The following HMGB1 variants were observed in gnomAD, a reference collection of about 807,000 sequenced individuals.
HMGB1 encodes high mobility group protein B1.
For synonymous variants in HMGB1, 81 were observed against 84.0 expected (o/e 0.96, Z 0.19); for missense variants, 79 against 253.5 (o/e 0.31, Z 4.67).
chr13:30,594,552 T>C (rs1344215964), intron 1 of HMGB1, among the ~76,000 whole-genome samples: 1 of 152,234 alleles, frequency 6.6e-6, no homozygotes, highest in Non-Finnish European at 1.5e-5. Context: ...CTGCAAAGGA[T>C]TTGATTTCAT....
At chr13:30,605,944 T>C (rs907937390) in intron 1 of HMGB1, among the ~76,000 whole-genome samples, 4 of 152,284 alleles carry the variant, frequency 2.6e-5, no homozygotes, top group East Asian at 1.9e-4. Context: ...TTCTCCTACA[T>C]AGCCATAGTA....
intron 1 of HMGB1, among the ~76,000 whole-genome samples, chr13:30,508,639 C>A (rs977406840): frequency 1.2e-4 from 18 of 152,184 alleles, no homozygotes; most frequent in Non-Finnish European, 2.4e-4. Flanking sequence ...CACCAATTTG[C>A]TTTGAATATT....
chr13:30,577,647 G>A (rs909622994), intron 1 of HMGB1, among the ~76,000 whole-genome samples: 4 of 152,138 alleles, frequency 2.6e-5, no homozygotes, highest in African/African-American at 9.7e-5. Context: ...TCCTCATTCT[G>A]CCACTGCCTG....
chr13:30,586,470 GTTTTTTTTGTTTTT>G (rs1374521050), intron 1 of HMGB1, among the ~76,000 whole-genome samples: 4 of 123,248 alleles, frequency 3.2e-5, no homozygotes, highest in Non-Finnish European at 4.9e-5. Flanking sequence ...GAAATCACTG[GTTTTTTTTGTTTTT>G]TTTTTTTTTT....
intron 1 of HMGB1, among the ~76,000 whole-genome samples, chr13:30,533,855 G>C (rs1888551431): frequency 6.7e-6 from 1 of 150,054 alleles, no homozygotes; most frequent in Non-Finnish European, 1.5e-5. Context: ...GTAAATCCTG[G>C]TAAAGACTAT....
At chr13:30,533,268 T>C (rs948771259) in intron 1 of HMGB1, among the ~76,000 whole-genome samples, 6 of 152,238 alleles carry the variant, frequency 3.9e-5, no homozygotes, top group African/African-American at 1.4e-4. Context: ...GACTTCACAG[T>C]CTGGTGCTGT....
chr13:30,546,755 G>A (rs558733792), intron 1 of HMGB1, among the ~76,000 whole-genome samples: 2 of 151,948 alleles, frequency 1.3e-5, no homozygotes, highest in Admixed American at 1.3e-4. Context: ...AAAGTGCTGG[G>A]ATTACAGGCA....
At chr13:30,608,388 A>G (rs1460466734) in intron 1 of HMGB1, among the ~76,000 whole-genome samples, 1 of 152,174 alleles carries the variant, frequency 6.6e-6, no homozygotes, top group Non-Finnish European at 1.5e-5. Context: ...AAATCACAGC[A>G]ACCCGATGCA....
At chr13:30,611,498 C>A (rs1232714360) in intron 1 of HMGB1, among the ~76,000 whole-genome samples, 1 of 152,170 alleles carries the variant, frequency 6.6e-6, no homozygotes, top group Admixed American at 6.5e-5. Context: ...TATTCCTCAT[C>A]TATAGGGACT....
At chr13:30,553,113 C>T (rs764460423) in intron 1 of HMGB1, among the ~76,000 whole-genome samples, 2 of 152,200 alleles carry the variant, frequency 1.3e-5, no homozygotes, top group Non-Finnish European at 2.9e-5. Flanking sequence ...TTCTGAGATG[C>T]ATGTTAAAAG....
chr13:30,562,595 CATAATAG>C (rs1348304807), intron 1 of HMGB1, among the ~76,000 whole-genome samples: 11 of 152,126 alleles, frequency 7.2e-5, no homozygotes, highest in Non-Finnish European at 1.5e-4. Flanking sequence ...AACGATTTCA[CATAATAG>C]AAGTATAAAT....
chr13:30,538,549 CTTTCTTTTT>C (rs1868617033), intron 1 of HMGB1, among the ~76,000 whole-genome samples: 1 of 78,802 alleles, frequency 1.3e-5, no homozygotes, highest in African/African-American at 8.1e-5. Flanking sequence ...TTCTTTCTTT[CTTTCTTTTT>C]CTTTCTTCTT....
At chr13:30,509,956 C>T (rs941711718) in intron 1 of HMGB1, among the ~76,000 whole-genome samples, 1 of 152,204 alleles carries the variant, frequency 6.6e-6, no homozygotes, top group African/African-American at 2.4e-5. Flanking sequence ...TATTTCATAT[C>T]CCAGACCTCT....
chr13:30,575,898 G>C (rs770568140), intron 1 of HMGB1, among the ~76,000 whole-genome samples: 1 of 151,984 alleles, frequency 6.6e-6, no homozygotes, highest in Non-Finnish European at 1.5e-5. Flanking sequence ...GTGAGACCCT[G>C]TCTCTAAAAA....
chr13:30,583,846 A>C (rs913636572), intron 1 of HMGB1, among the ~76,000 whole-genome samples: 10 of 142,404 alleles, frequency 7.0e-5, no homozygotes, highest in Admixed American at 1.7e-4. Context: ...AAAAAAAGAA[A>C]GAAAGAAAGA....
In HMGB1 at chr13:30,476,229, C is replaced by T. The variant is rs529619151; in HGVS notation, c.-14-12535G>A. Among the ~76,000 whole-genome samples, 37 of 150,072 alleles carry T rather than the reference C, an allele frequency of 2.5e-4. No individual in the cohort carries two copies. The South Asian group carries it at 4.8e-3, about 20-fold the overall frequency. On this transcript the variant is annotated intron_variant, in intron 1 of 4. Coordinates refer to the HMGB1 transcript ENST00000405805. ...CCCAGGCTGGAGTGCAGCCTCATTG[C>T]GACCTCAGCCTCTCAGGCTCAAGCT...
At chr13:30,591,971 C>G (rs1252420455) in intron 1 of HMGB1, among the ~76,000 whole-genome samples, 1 of 152,018 alleles carries the variant, frequency 6.6e-6, no homozygotes, top group Non-Finnish European at 1.5e-5. Flanking sequence ...ATATTATATA[C>G]TATAGTTAAA....
chr13:30,474,619 A>G (rs12430326), intron 1 of HMGB1, among the ~76,000 whole-genome samples: 5,204 of 152,100 alleles, frequency 0.034, 413 homozygotes, highest in East Asian at 0.18. Context: ...AAAGGTAGAC[A>G]TTGGGCAGGT....
intron 1 of HMGB1, among the ~76,000 whole-genome samples, chr13:30,604,044 G>A (rs915129562): frequency 6.6e-6 from 1 of 151,970 alleles, no homozygotes; most frequent in Non-Finnish European, 1.5e-5. Flanking sequence ...CATGTAAAGC[G>A]GTGATAATGC....
Sources: allele counts gnomAD v4.1 joint callset (sites outside exome capture counted in the v4.1 genomes callset), GRCh38; gene constraint gnomAD v4.1.1; transcripts MANE v1.5; gene names NCBI Gene and HGNC (gene_info 2026-07-23, HGNC 2026-07-21).